Variants in RSPH14 observed in about 807,000 individuals in gnomAD.
The protein encoded by RSPH14 is rhabdoid tumor deletion region gene 1.
A neutral mutation model predicts 26.7 loss-of-function variants in RSPH14; 20 were observed. That is an observed-to-expected ratio of 0.75 (90% CI 0.53 to 1.09). The LOEUF is 1.09. Among genes scored for constraint, RSPH14 ranks in the 50% least tolerant of loss-of-function variants. The probability of loss-of-function intolerance (pLI) is 0.00; values close to 1 mark genes in which losing one functional copy is unlikely to be tolerated. For synonymous variants in RSPH14, 177 were observed against 189.3 expected (o/e 0.93, Z 0.53); for missense variants, 449 against 457.2 (o/e 0.98, Z 0.16).
intron 4 of RSPH14, chr22:23,124,520 A>C: frequency 6.0e-6 from 2 of 332,518 alleles, no homozygotes; most frequent in South Asian, 4.4e-5. Flanking sequence ...TATTTAAGAA[A>C]ATAAACACGA....
At chr22:23,145,195 A>G, upstream of RSPH14, 1 of 650,252 alleles carries the variant, frequency 1.5e-6, no homozygotes, top group Admixed American at 2.9e-5. Flanking sequence ...GAATCTCTCC[A>G]CGGTCAGCCC....
At chr22:23,095,953 G>C (rs569665480) in intron 4 of RSPH14, 4 of 1,612,376 alleles carry the variant, frequency 2.5e-6, no homozygotes, top group African/African-American at 2.7e-5. Flanking sequence ...GCATCATCCG[G>C]GCCCTGGCCG....
intron 1 of RSPH14, among the ~76,000 whole-genome samples, chr22:23,141,625 T>C (rs1045106850): frequency 1.3e-5 from 2 of 152,174 alleles, no homozygotes; most frequent in South Asian, 2.1e-4. Flanking sequence ...TCATGGTTAG[T>C]AGAATGGACA....
At chr22:23,166,168 A>T in the RSPH14 span, among the ~76,000 whole-genome samples, 1 of 149,610 alleles carries the variant, frequency 6.7e-6, no homozygotes, top group African/African-American at 2.5e-5. Flanking sequence ...AAAAAAAAAA[A>T]AAAAAAAAAG....
intron 4 of RSPH14, among the ~76,000 whole-genome samples, chr22:23,089,664 G>T (rs1008665854): frequency 6.6e-6 from 1 of 152,200 alleles, no homozygotes; most frequent in Non-Finnish European, 1.5e-5. Context: ...ATGAGGGCAG[G>T]CCGGGCCTGC....
intron 4 of RSPH14, chr22:23,125,091 A>G (rs972171909): frequency 7.9e-5 from 12 of 152,220 alleles, no homozygotes; most frequent in Admixed American, 7.9e-4. Context: ...ACTTGGTGCC[A>G]TCTGGAAGGG....
chr22:23,060,223 G>C (rs1360265582), intron 6 of RSPH14, among the ~76,000 whole-genome samples: 1 of 152,148 alleles, frequency 6.6e-6, no homozygotes, highest in East Asian at 1.9e-4. Flanking sequence ...TGTAATCCCA[G>C]CACTTTGGGA....
chr22:23,127,902 C>T (rs956893909), intron 4 of RSPH14, among the ~76,000 whole-genome samples: 1 of 152,190 alleles, frequency 6.6e-6, no homozygotes, highest in African/African-American at 2.4e-5. Flanking sequence ...AGGGCCCAGG[C>T]GCATCCTTGC....
chr22:23,172,086 T>A, the RSPH14 span, among the ~76,000 whole-genome samples: 555 of 152,350 alleles, frequency 3.6e-3, 2 homozygotes, highest in Middle Eastern at 0.014. Context: ...GACATACAAA[T>A]GGAATCATAC....
intron 4 of RSPH14, among the ~76,000 whole-genome samples, chr22:23,116,283 G>A (rs1283268367): frequency 6.6e-6 from 1 of 152,260 alleles, no homozygotes; most frequent in African/African-American, 2.4e-5. Flanking sequence ...ACTTGGAGGT[G>A]GAGCTGCGGG....
chr22:23,146,105 G>A, upstream of RSPH14: 2 of 838,292 alleles, frequency 2.4e-6, no homozygotes, highest in South Asian at 5.5e-5. Context: ...TCCCAGGCAG[G>A]GTGGGGCAGG....
the RSPH14 span, chr22:23,156,177 G>A: frequency 4.1e-5 from 22 of 541,044 alleles, no homozygotes; most frequent in Non-Finnish European, 6.9e-5. Flanking sequence ...CCACTGCTTG[G>A]GAACAGGGAA....
At chr22:23,145,629 G>A, upstream of RSPH14, 2 of 1,453,104 alleles carry the variant, frequency 1.4e-6, no homozygotes, top group East Asian at 2.4e-5. Flanking sequence ...CCAGGGCCGC[G>A]AGGGCACAGC....
the RSPH14 span, among the ~76,000 whole-genome samples, chr22:23,175,420 T>C: frequency 6.6e-6 from 1 of 152,164 alleles, no homozygotes; most frequent in Non-Finnish European, 1.5e-5. Flanking sequence ...CTCCCCTCAC[T>C]GCAACCTCCG....
Position 23,137,149 on chromosome 22 carries a change from T to C in RSPH14, c.302+1691A>G, listed in dbSNP as rs925900393. Among the ~76,000 whole-genome samples, 3 of 138,782 alleles carry C rather than the reference T, an allele frequency of 2.2e-5. 1 individual carries two copies. The Admixed American group carries it at 2.3e-4, about 11-fold the overall frequency. The allele number at this position is 138,782 out of a possible 152,430, so 91.0% of individuals were successfully genotyped here. A position where few individuals can be genotyped will look rare whatever the true frequency, so the allele number is the denominator to read the frequency against. The stretch of plus-strand genomic sequence containing the variant: ...GGGGACTAGCAGGGCTGAGTGACTT[T>C]GGGTTTTATGAGATGCCCTGCAGCC... On this transcript the variant is annotated intron_variant, in intron 3 of 6. Coordinates refer to ENST00000216036, the MANE Select transcript of RSPH14 (RefSeq NM_014433.3).
chr22:23,070,124 G>A (rs1436302158), intron 4 of RSPH14, among the ~76,000 whole-genome samples: 1 of 151,972 alleles, frequency 6.6e-6, no homozygotes, highest in African/African-American at 2.4e-5. Flanking sequence ...CGCGCGCGGA[G>A]CTGCGACCCC....
At chr22:23,093,042 C>T (rs530565352) in intron 4 of RSPH14, among the ~76,000 whole-genome samples, 1 of 152,354 alleles carries the variant, frequency 6.6e-6, no homozygotes, top group African/African-American at 2.4e-5. Context: ...AGGTCGTCAG[C>T]AGGGACAAGG....
intron 4 of RSPH14, chr22:23,123,228 C>T (rs2070080689): frequency 6.2e-7 from 1 of 1,614,084 alleles, no homozygotes; most frequent in African/African-American, 1.3e-5. Flanking sequence ...CATCTGCTTT[C>T]CCGAGTACAA....
intron 4 of RSPH14, among the ~76,000 whole-genome samples, chr22:23,067,483 A>G (rs747878189): frequency 2.0e-5 from 3 of 152,202 alleles, no homozygotes; most frequent in Non-Finnish European, 4.4e-5. Flanking sequence ...ACCTTGCCGC[A>G]GGTGACCCAC....
Sources: gnomAD v4.1 joint callset for allele counts (sites outside exome capture counted in the v4.1 genomes callset) on GRCh38, gnomAD v4.1.1 for gene constraint, MANE v1.5 for transcripts, NCBI Gene and HGNC (gene_info 2026-07-23, HGNC 2026-07-21) for gene names.